Variants in RASSF8 observed in about 807,000 individuals in gnomAD.
The protein encoded by RASSF8 is Ras association domain family member 8.
In RASSF8, 22 loss-of-function variants were observed where a neutral mutation model predicts 48.5. The ratio of observed to expected loss-of-function variants is 0.45; its 90% CI spans 0.32 to 0.65. RASSF8 has a LOEUF of 0.65. Ranked by LOEUF, RASSF8 falls within the 30% of genes least tolerant of loss-of-function variation. The pLI, the probability that RASSF8 is intolerant of heterozygous loss-of-function variation, is 0.03. For missense variants in RASSF8, 418 were observed against 489.2 expected, an observed-to-expected ratio of 0.85 and a Z score of 1.37; for synonymous variants, 127 against 171.5, an observed-to-expected ratio of 0.74 and a Z score of 2.03.
chr12:26,073,893 A>C (rs1490292608), downstream of RASSF8, among the ~76,000 whole-genome samples: 2 of 151,622 alleles, frequency 1.3e-5, no homozygotes, highest in Non-Finnish European at 2.9e-5. Flanking sequence ...GAGCCAAAGT[A>C]AATTTCCTAG....
chr12:25,959,489 A>G (rs1456133240), intron 1 of RASSF8: 1 of 152,250 alleles, frequency 6.6e-6, no homozygotes, highest in East Asian at 1.9e-4. Context: ...GGTTTTTAAA[A>G]TATTTTTTCC....
In RASSF8 at chr12:26,064,532, G is replaced by A; in HGVS notation, c.138G>A (p.Trp46Ter). 6.2e-7 allele frequency: 1 copy of A among 1,603,736 alleles called. No individual in the cohort carries two copies. The stretch of plus-strand genomic sequence containing the variant: ...GAAGGTACACCCTTATAGAGAAATG[G>A]AGAGATACTGAAAGACACTTAGCAC... ...RTGRYTLIEK[W>*]RDTERHLAPH... Residue 46 changes from tryptophan to a stop codon, truncating the protein, a stop_gained, in exon 4 of 6, where the codon TGG becomes TGA. Coordinates refer to ENST00000689635, the MANE Select transcript of RASSF8 (RefSeq NM_001394098.1). LOFTEE classifies it high-confidence loss of function.
At chr12:26,035,543 A>G (rs1038407974) in intron 2 of RASSF8, among the ~76,000 whole-genome samples, 19 of 144,136 alleles carry the variant, frequency 1.3e-4, no homozygotes, top group Non-Finnish European at 1.8e-4. Flanking sequence ...TATAAAAATT[A>G]TATATAGTGT....
intron 2 of RASSF8, among the ~76,000 whole-genome samples, chr12:26,014,848 T>C (rs149717390): frequency 1.2e-4 from 18 of 152,242 alleles, no homozygotes; most frequent in African/African-American, 4.3e-4. Flanking sequence ...TAGCTTTTGT[T>C]TATTTGGTCC....
chr12:26,001,982 A>G (rs1354836457), intron 2 of RASSF8, among the ~76,000 whole-genome samples: 1 of 152,240 alleles, frequency 6.6e-6, no homozygotes, highest in Non-Finnish European at 1.5e-5. Context: ...TAATGAATGC[A>G]TTGTGCTACA....
chr12:25,964,461 G>A (rs1308059357), intron 1 of RASSF8, among the ~76,000 whole-genome samples: 4 of 152,102 alleles, frequency 2.6e-5, no homozygotes, highest in South Asian at 2.1e-4. Flanking sequence ...CAAGAGGAGA[G>A]CTGTGATGGT....
intron 2 of RASSF8, among the ~76,000 whole-genome samples, chr12:26,051,677 G>C (rs892844818): frequency 2.6e-5 from 4 of 152,134 alleles, no homozygotes; most frequent in Non-Finnish European, 1.5e-5. Flanking sequence ...TAAAACCTCT[G>C]GGTATGAGAG....
chr12:26,044,271 C>T (rs879525825), intron 2 of RASSF8, among the ~76,000 whole-genome samples: 5 of 152,132 alleles, frequency 3.3e-5, no homozygotes, highest in Non-Finnish European at 5.9e-5. Context: ...CAAGCAATCT[C>T]TGCCAGGATG....
chr12:25,977,047 G>C (rs942949148), intron 1 of RASSF8, among the ~76,000 whole-genome samples: 2 of 152,122 alleles, frequency 1.3e-5, no homozygotes, highest in African/African-American at 4.8e-5. Context: ...TATCTAATTT[G>C]ATTATTAACA....
rs1034640536 is a variant in RASSF8 at position 26,068,878 on chromosome 12, T to C, written c.*60T>C. 9 of 1,522,790 alleles carry C rather than the reference T, an allele frequency of 5.9e-6. No homozygotes were observed. Among genetic ancestry groups the C allele is most frequent in the African/African-American group, 2.8e-5 (2 of 72,472 alleles). 94.3% of individuals were successfully genotyped at this position (1,522,790 alleles called of 1,614,324 possible). ...GTACCAAGGACAGTAAACTTCCTTT[T>C]TGATTTGTGCCAATGATGAACAGAG... On this transcript the variant is annotated 3_prime_UTR_variant, in exon 6 of 6. Transcript: ENST00000689635.
intron 1 of RASSF8, among the ~76,000 whole-genome samples, chr12:25,970,872 T>C (rs1941469206): frequency 6.6e-6 from 1 of 152,186 alleles, no homozygotes. Context: ...CATGAAGAAA[T>C]GGTTCATCCT....
intron 2 of RASSF8, among the ~76,000 whole-genome samples, chr12:26,023,862 G>C (rs2137075255): frequency 6.6e-6 from 1 of 152,272 alleles, no homozygotes; most frequent in Non-Finnish European, 1.5e-5. Flanking sequence ...GGAGATGATA[G>C]GTGATGCAAA....
At chr12:26,033,841 A>G (rs1272395066) in intron 2 of RASSF8, among the ~76,000 whole-genome samples, 2 of 152,022 alleles carry the variant, frequency 1.3e-5, no homozygotes, top group Non-Finnish European at 2.9e-5. Flanking sequence ...CCCATCTCCT[A>G]CCAGTTGTAT....
chr12:26,021,155 A>G (rs1942778432), intron 2 of RASSF8, among the ~76,000 whole-genome samples: 1 of 152,188 alleles, frequency 6.6e-6, no homozygotes, highest in Admixed American at 6.5e-5. Flanking sequence ...CTCCACAGCA[A>G]AACAAACATA....
Position 26,071,685 on chromosome 12 carries a change from G to A in RASSF8, c.*2867G>A. Reference sequence around the variant, plus strand: ...TTTTTTATAATATGAGACTTCAGTTGGTATTAATAGGAGTTACCTATTTAA... The same window carrying A: ...TTTTTTATAATATGAGACTTCAGTTAGTATTAATAGGAGTTACCTATTTAA... On this transcript the variant is annotated 3_prime_UTR_variant, in exon 6 of 6. Transcript: ENST00000689635. The A allele has an allele frequency of 1.0e-6, 1 of 982,092 alleles. No homozygotes were observed. Among genetic ancestry groups the A allele is most frequent in the Non-Finnish European group, 1.2e-6 (1 of 827,164 alleles). The allele number at this position is 982,092 out of a possible 1,614,324, so 60.8% of individuals were successfully genotyped here. A position where few individuals can be genotyped will look rare whatever the true frequency, so the allele number is the denominator to read the frequency against.
intron 2 of RASSF8, among the ~76,000 whole-genome samples, chr12:26,018,280 T>A (rs1305845665): frequency 6.6e-6 from 1 of 152,178 alleles, no homozygotes; most frequent in Admixed American, 6.5e-5. Context: ...TTTAGCAAAT[T>A]TGGAGCTGCC....
intron 2 of RASSF8, among the ~76,000 whole-genome samples, chr12:26,034,102 G>A (rs541127117): frequency 7.9e-5 from 12 of 152,150 alleles, no homozygotes; most frequent in Admixed American, 7.2e-4. Context: ...TGGCAGGGCA[G>A]GGAGATGTGG....
intron 2 of RASSF8, among the ~76,000 whole-genome samples, chr12:26,038,622 C>T: frequency 9.1e-6 from 1 of 109,838 alleles, no homozygotes; most frequent in South Asian, 2.8e-4. Context: ...CACACACACA[C>T]ACACACACAC....
chr12:26,077,087 C>A (rs571826042), downstream of RASSF8, among the ~76,000 whole-genome samples: 72 of 148,978 alleles, frequency 4.8e-4, no homozygotes, highest in African/African-American at 1.6e-3. Flanking sequence ...CTGCTCATAT[C>A]CTTTGCCCAC....
Sources: gnomAD v4.1 joint callset for allele counts (sites outside exome capture counted in the v4.1 genomes callset) on GRCh38, gnomAD v4.1.1 for gene constraint, MANE v1.5 for transcripts, NCBI Gene and HGNC (gene_info 2026-07-23, HGNC 2026-07-21) for gene names.